BMPR1A: variants seen among roughly 807,000 people sequenced by gnomAD.
The protein encoded by BMPR1A is bone morphogenetic protein receptor type 1A.
BMPR1A carries 7 observed loss-of-function variants against 66.0 expected under a neutral mutation model. The ratio of observed to expected loss-of-function variants is 0.11; its 90% confidence interval spans 0.06 to 0.20. The LOEUF (loss-of-function observed/expected upper bound fraction) is 0.20, where lower values mean the gene tolerates loss of function less well. Ranked by LOEUF, BMPR1A falls within the 10% of genes least tolerant of loss-of-function variation. The pLI is 1.00. For missense variants in BMPR1A, 408 were observed against 669.1 expected, an observed-to-expected ratio of 0.61 and a Z score of 4.31; for synonymous variants, 200 against 229.7, an observed-to-expected ratio of 0.87 and a Z score of 1.17.
chr10:86,851,045 T>C (rs191991916), intron 2 of BMPR1A, among the ~76,000 whole-genome samples: 30 of 152,286 alleles, frequency 2.0e-4, no homozygotes, highest in Admixed American at 7.8e-4. Flanking sequence ...ACCAGAAATA[T>C]TTTGGAAAGA....
At chr10:86,867,103 T>C (rs1222996338) in intron 2 of BMPR1A, among the ~76,000 whole-genome samples, 2 of 152,224 alleles carry the variant, frequency 1.3e-5, no homozygotes, top group Non-Finnish European at 2.9e-5. Context: ...CTGAACTCTT[T>C]ACCACCACAT....
intron 1 of BMPR1A, among the ~76,000 whole-genome samples, chr10:86,773,915 A>T (rs1206247684): frequency 1.3e-5 from 2 of 148,274 alleles, no homozygotes; most frequent in African/African-American, 5.0e-5. Context: ...AAGTGGTGCG[A>T]TCTCGGCTCA....
chr10:86,864,915 G>A (rs569847194), intron 2 of BMPR1A, among the ~76,000 whole-genome samples: 6 of 151,950 alleles, frequency 3.9e-5, no homozygotes, highest in South Asian at 4.2e-4. Flanking sequence ...TTCCCACGCC[G>A]CCCCTAATCC....
chr10:86,799,554 TG>T (rs1329275001), intron 1 of BMPR1A, among the ~76,000 whole-genome samples: 13 of 151,846 alleles, frequency 8.6e-5, no homozygotes, highest in African/African-American at 3.1e-4. Flanking sequence ...TTTCTTTTTT[TG>T]TTTTCTTTTG....
chr10:86,843,933 A>G (rs937066109), intron 2 of BMPR1A, among the ~76,000 whole-genome samples: 2 of 152,154 alleles, frequency 1.3e-5, no homozygotes, highest in African/African-American at 4.8e-5. Flanking sequence ...GTGGAAATAG[A>G]AAAGAAAGAC....
chr10:86,877,133 G>A (rs1842929455), intron 3 of BMPR1A, among the ~76,000 whole-genome samples: 7 of 151,828 alleles, frequency 4.6e-5, no homozygotes, highest in African/African-American at 1.7e-4. Flanking sequence ...CTAATGTTTT[G>A]ATCACAGTGA....
intron 2 of BMPR1A, among the ~76,000 whole-genome samples, chr10:86,863,731 G>A (rs1203262403): frequency 6.6e-6 from 1 of 152,132 alleles, no homozygotes; most frequent in African/African-American, 2.4e-5. Flanking sequence ...AAAGTCCTGA[G>A]ACTATTAGAC....
intron 8 of BMPR1A, among the ~76,000 whole-genome samples, chr10:86,915,441 G>A (rs532688439): frequency 6.6e-6 from 1 of 152,156 alleles, no homozygotes; most frequent in South Asian, 2.1e-4. Flanking sequence ...CTCAAAAAGG[G>A]TACATTTTAT....
chr10:86,787,949 A>C (rs1841541913), intron 1 of BMPR1A, among the ~76,000 whole-genome samples: 1 of 152,000 alleles, frequency 6.6e-6, no homozygotes, highest in African/African-American at 2.4e-5. Context: ...ACAGTTCAAC[A>C]TGAGATTTGG....
intron 3 of BMPR1A, among the ~76,000 whole-genome samples, chr10:86,878,729 A>G (rs1417416052): frequency 6.6e-6 from 1 of 152,242 alleles, no homozygotes; most frequent in Non-Finnish European, 1.5e-5. Context: ...AAAGTGTCAC[A>G]GATTTTGTCT....
At chr10:86,929,721 TTC>T (rs1333282997), downstream of BMPR1A, 3 of 152,240 alleles carry the variant, frequency 2.0e-5, no homozygotes, top group Non-Finnish European at 4.4e-5. Context: ...CCAGCTTTCC[TTC>T]TGTCTGTGGA....
intron 1 of BMPR1A, among the ~76,000 whole-genome samples, chr10:86,768,589 A>G (rs1296777898): frequency 1.3e-5 from 2 of 152,258 alleles, no homozygotes; most frequent in African/African-American, 2.4e-5. Flanking sequence ...AAGTCATTCA[A>G]TTGAGGTTAA....
chr10:86,796,893 T>A (rs1316408694), intron 1 of BMPR1A, among the ~76,000 whole-genome samples: 2 of 152,080 alleles, frequency 1.3e-5, no homozygotes, highest in Non-Finnish European at 2.9e-5. Flanking sequence ...GTTGGTGTTG[T>A]TCTGTTTTGT....
At chr10:86,919,078 A>G in intron 9 of BMPR1A, 94 bp from the exon 10 acceptor site, 1 of 1,408,304 alleles carries the variant, frequency 7.1e-7, no homozygotes, top group Admixed American at 1.7e-5. Context: ...TCTGCACATG[A>G]TACCTAAGTT....
chr10:86,808,028 C>T (rs1841916174), intron 1 of BMPR1A, among the ~76,000 whole-genome samples: 1 of 152,094 alleles, frequency 6.6e-6, no homozygotes, highest in South Asian at 2.1e-4. Flanking sequence ...CAGCAGAACT[C>T]ATTTGGGCCT....
Position 86,926,289 on chromosome 10 carries a change from A to G in BMPR1A, c.*2570A>G, listed in dbSNP as rs912332110. The G allele has an allele frequency of 6.5e-6, 1 of 153,552 alleles. No individual in the cohort carries two copies. Among genetic ancestry groups the G allele is most frequent in the Admixed American group, 6.5e-5 (1 of 15,328 alleles). The allele number at this position is 153,552 out of a possible 1,614,324, so 9.5% of individuals were successfully genotyped here. On this transcript the variant is annotated 3_prime_UTR_variant, in exon 13 of 13. Coordinates refer to ENST00000372037, the MANE Select transcript of BMPR1A (RefSeq NM_004329.3). Reference sequence around the variant, plus strand: ...GTAATCCCAACACTTTGGGAGGCTGAGGCGGGTGGATCACAAGGTCAGGAG... The same window carrying G: ...GTAATCCCAACACTTTGGGAGGCTGGGGCGGGTGGATCACAAGGTCAGGAG...
At chr10:86,798,714 C>T (rs4933411) in intron 1 of BMPR1A, among the ~76,000 whole-genome samples, 47,126 of 152,078 alleles carry the variant, frequency 0.31, 8,390 homozygotes, top group East Asian at 0.69. Context: ...GAGATTTTGC[C>T]CAGTATGTCT....
chr10:86,803,004 C>CAA (rs59957238), intron 1 of BMPR1A, among the ~76,000 whole-genome samples: 4,786 of 75,840 alleles, frequency 0.063, 485 homozygotes, highest in African/African-American at 0.21. Context: ...GACCCGGTCT[C>CAA]AAAAAAAAAA....
rs1453381253 is a variant in BMPR1A, at chr10:86,927,022, G to C, written c.*3303G>C. 2 of 187,090 alleles carry C rather than the reference G, an allele frequency of 1.1e-5. No individual in the cohort carries two copies. The highest frequency in any genetic ancestry group is 2.0e-4 in the South Asian group (1 of 5,120). 11.6% of individuals were successfully genotyped at this position (187,090 alleles called of 1,614,324 possible). On this transcript the variant is annotated 3_prime_UTR_variant, in exon 13 of 13. Coordinates refer to ENST00000372037, the MANE Select transcript of BMPR1A (RefSeq NM_004329.3). ...ATTTTCACAAAAGTTATTTTAATCAGTATTTTTACATTGCCTTTCCAGTGT... is the reference window on the plus strand; with the variant it reads ...ATTTTCACAAAAGTTATTTTAATCACTATTTTTACATTGCCTTTCCAGTGT...
Sources: allele counts gnomAD v4.1 joint callset (sites outside exome capture counted in the v4.1 genomes callset), GRCh38; gene constraint gnomAD v4.1.1; transcripts MANE v1.5; gene names NCBI Gene and HGNC (gene_info 2026-07-23, HGNC 2026-07-21).